The following SAMMSON variants were observed in gnomAD, a reference collection of about 807,000 sequenced individuals.
SAMMSON encodes the protein survival associated mitochondrial melanoma specific oncogenic non-coding RNA.
intron 4 of SAMMSON, among the ~76,000 whole-genome samples, chr3:70,182,579 G>A (rs1042316665): frequency 1.3e-5 from 2 of 152,180 alleles, no homozygotes; most frequent in Admixed American, 1.3e-4. Flanking sequence ...CCCCTCCGAA[G>A]ACGAAGCTTT....
chr3:70,428,980 T>G (rs989374776), intron 2 of SAMMSON, among the ~76,000 whole-genome samples: 1 of 152,216 alleles, frequency 6.6e-6, no homozygotes, highest in Non-Finnish European at 1.5e-5. Context: ...ATTAATTAAG[T>G]CAATTTTGGC....
chr3:70,089,839 C>G (rs962501679), intron 4 of SAMMSON, among the ~76,000 whole-genome samples: 2 of 152,120 alleles, frequency 1.3e-5, no homozygotes, highest in African/African-American at 4.8e-5. Flanking sequence ...TCAATCTTTA[C>G]AGGTAGAGTG....
intron 6 of SAMMSON, among the ~76,000 whole-genome samples, chr3:70,275,730 G>A (rs1172075698): frequency 6.6e-6 from 1 of 152,138 alleles, no homozygotes; most frequent in Admixed American, 6.6e-5. Flanking sequence ...AATAAATTGT[G>A]AAGTACAATT....
chr3:70,245,208 T>A (rs1701695493), intron 4 of SAMMSON, among the ~76,000 whole-genome samples: 1 of 152,138 alleles, frequency 6.6e-6, no homozygotes, highest in South Asian at 2.1e-4. Context: ...AAGTCTGCAT[T>A]TTTAAAAGAG....
At chr3:70,351,148 C>T (rs896874243) in intron 7 of SAMMSON, among the ~76,000 whole-genome samples, 10 of 151,936 alleles carry the variant, frequency 6.6e-5, no homozygotes, top group African/African-American at 2.2e-4. Context: ...AAGAAATATT[C>T]CCTACATAAA....
chr3:70,258,623 CT>C (rs1160287269), intron 6 of SAMMSON, among the ~76,000 whole-genome samples: 2 of 152,106 alleles, frequency 1.3e-5, no homozygotes, highest in Non-Finnish European at 2.9e-5. Context: ...TTCATATGCT[CT>C]GACTTAGCTC....
At chr3:70,402,210 C>T (rs952231880) in intron 2 of SAMMSON, among the ~76,000 whole-genome samples, 2 of 152,032 alleles carry the variant, frequency 1.3e-5, no homozygotes, top group African/African-American at 4.8e-5. Flanking sequence ...TTATTTAATC[C>T]GGAGCAATAG....
At chr3:70,317,123 G>A (rs1417722803) in intron 7 of SAMMSON, among the ~76,000 whole-genome samples, 1 of 151,852 alleles carries the variant, frequency 6.6e-6, no homozygotes, top group East Asian at 1.9e-4. Context: ...TCATTTACAT[G>A]CTCTCTCCTT....
chr3:70,200,585 G>T (rs1292010538), intron 4 of SAMMSON, among the ~76,000 whole-genome samples: 1 of 152,062 alleles, frequency 6.6e-6, no homozygotes, highest in African/African-American at 2.4e-5. Context: ...TCACATCCTT[G>T]CTGAAACTCT....
At chr3:70,376,533 A>G (rs1057164127) in intron 9 of SAMMSON, among the ~76,000 whole-genome samples, 7 of 152,174 alleles carry the variant, frequency 4.6e-5, no homozygotes, top group Non-Finnish European at 8.8e-5. Flanking sequence ...ACACCTTGTC[A>G]TAGAATGTTT....
chr3:70,252,119 A>C (rs1035778545), intron 6 of SAMMSON, among the ~76,000 whole-genome samples: 2 of 152,212 alleles, frequency 1.3e-5, no homozygotes, highest in Admixed American at 6.5e-5. Flanking sequence ...AATTCAGCTC[A>C]TATAGATCTG....
intron 4 of SAMMSON, among the ~76,000 whole-genome samples, chr3:70,086,801 C>T (rs530870461): frequency 6.6e-6 from 1 of 152,148 alleles, no homozygotes; most frequent in Admixed American, 6.6e-5. Flanking sequence ...AGTTAACATG[C>T]GTTGAGCATT....
intron 4 of SAMMSON, among the ~76,000 whole-genome samples, chr3:70,119,523 C>T (rs2067424575): frequency 6.6e-6 from 1 of 152,128 alleles, no homozygotes; most frequent in African/African-American, 2.4e-5. Flanking sequence ...TACATTACCT[C>T]AAAGCTGGGA....
chr3:70,426,047 AG>A (rs2106777047), intron 2 of SAMMSON, among the ~76,000 whole-genome samples: 1 of 152,330 alleles, frequency 6.6e-6, no homozygotes, highest in East Asian at 1.9e-4. Flanking sequence ...GACCCAGAAA[AG>A]GTAGCACATG....
intron 3 of SAMMSON, among the ~76,000 whole-genome samples, chr3:70,070,611 G>A (rs1219618298): frequency 6.6e-6 from 1 of 151,390 alleles, no homozygotes; most frequent in Admixed American, 6.6e-5. Flanking sequence ...AATCCCCTTG[G>A]GGGACATAAA....
In SAMMSON at chr3:70,129,125, C is replaced by T. The variant is rs1309709256; in HGVS notation, n.507+57560C>T. 2.0e-5 allele frequency among the ~76,000 whole-genome samples: 3 copies of T among 152,076 alleles called. No homozygotes were observed. The East Asian group carries it at 5.8e-4, about 29-fold the overall frequency. ...GGATACTGGGATTATATGTATCTGG[C>T]CTGTGTCTCTATCTTCTGATTTAAC... is the stretch of plus-strand genomic sequence containing the variant. On this transcript the variant is annotated intron_variant and non_coding_transcript_variant, in intron 4 of 9. Coordinates refer to ENST00000642114, the Ensembl canonical transcript of SAMMSON.
intron 3 of SAMMSON, among the ~76,000 whole-genome samples, chr3:70,048,267 G>A (rs1204953304): frequency 6.6e-6 from 1 of 152,004 alleles, no homozygotes; most frequent in African/African-American, 2.4e-5. Context: ...ACAAATTAAG[G>A]TTCATATCCT....
At chr3:70,204,863 C>G (rs1056546000) in intron 4 of SAMMSON, 1 of 152,058 alleles carries the variant, frequency 6.6e-6, no homozygotes, top group African/African-American at 2.4e-5. Flanking sequence ...TGGCAATTCC[C>G]AGTTCTGGGA....
At position 70,145,341 on chromosome 3, in the gene SAMMSON, T is replaced by C. The variant is rs555053034; in HGVS notation, n.507+73776T>C. Among the ~76,000 whole-genome samples the C allele has an allele frequency of 1.6e-4, 25 of 152,168 alleles. No homozygotes were observed. The South Asian group carries it at 2.9e-3, about 18-fold the overall frequency. Reference sequence around the variant, plus strand: ...AAGGCTGCAGAACTGAACAACACTATCAACCAACTGGAATCAAATTGACGT... The same window carrying C: ...AAGGCTGCAGAACTGAACAACACTACCAACCAACTGGAATCAAATTGACGT... On this transcript the variant is annotated intron_variant and non_coding_transcript_variant, in intron 4 of 9. Transcript: ENST00000642114.
Sources: gnomAD v4.1 joint callset for allele counts (sites outside exome capture counted in the v4.1 genomes callset) on GRCh38, gnomAD v4.1.1 for gene constraint, MANE v1.5 for transcripts, NCBI Gene and HGNC (gene_info 2026-07-23, HGNC 2026-07-21) for gene names.